The following DLG2 variants were observed in gnomAD, a reference collection of about 807,000 sequenced individuals.
DLG2 encodes the protein discs large MAGUK scaffold protein 2.
A neutral mutation model predicts 132.5 loss-of-function variants in DLG2; 45 were observed. The observed-to-expected ratio is 0.34, with a 90% CI of 0.27 to 0.44. The LOEUF is 0.44. DLG2 is among the 20% of genes least tolerant of loss of function. The probability of loss-of-function intolerance (pLI) is 1.00; values close to 1 mark genes in which losing one functional copy is unlikely to be tolerated. For missense variants in DLG2, 1,045 were observed against 1,196.9 expected (o/e 0.87, Z 1.87); for synonymous variants, 424 against 419.6 (o/e 1.01, Z -0.13).
At chr11:84,257,577 G>A (rs917870678) in intron 7 of DLG2, among the ~76,000 whole-genome samples, 1 of 151,912 alleles carries the variant, frequency 6.6e-6, no homozygotes, top group African/African-American at 2.4e-5. Context: ...AAGTCACACA[G>A]CTGGTAAATA....
chr11:85,347,565 C>G lies in DLG2; in HGVS notation c.41-62200G>C, dbSNP rs79747489. ...TGTCACATTTCCCCTCTCCTCTGTCCCCTATATAAAAGGGTATATAAGCTT... is the reference window on the plus strand; with the variant it reads ...TGTCACATTTCCCCTCTCCTCTGTCGCCTATATAAAAGGGTATATAAGCTT... On this transcript the variant is annotated intron_variant, in intron 3 of 27. Transcript: ENST00000376104. Among the ~76,000 whole-genome samples the G allele has an allele frequency of 9.2e-3, 1,402 of 152,056 alleles. 23 individuals carry two copies. The highest frequency in any genetic ancestry group is 0.032 in the African/African-American group (1,315 of 41,418).
intron 23 of DLG2, among the ~76,000 whole-genome samples, chr11:83,472,525 C>T (rs2092173541): frequency 6.6e-6 from 1 of 152,112 alleles, no homozygotes; most frequent in African/African-American, 2.4e-5. Context: ...TATTAGTGCC[C>T]ATACTCAGCA....
intron 2 of DLG2, among the ~76,000 whole-genome samples, chr11:85,609,850 G>C (rs1319577101): frequency 6.6e-6 from 1 of 152,134 alleles, no homozygotes; most frequent in African/African-American, 2.4e-5. Flanking sequence ...TACCATCCGG[G>C]GAATCCTGGG....
intron 6 of DLG2, among the ~76,000 whole-genome samples, chr11:84,553,048 C>A (rs1364461660): frequency 6.6e-6 from 1 of 152,054 alleles, no homozygotes; most frequent in Non-Finnish European, 1.5e-5. Flanking sequence ...CTTTTCTCAC[C>A]TTCCTGTCTC....
intron 18 of DLG2, among the ~76,000 whole-genome samples, chr11:83,713,125 C>T (rs1282071722): frequency 6.6e-6 from 1 of 152,114 alleles, no homozygotes; most frequent in Non-Finnish European, 1.5e-5. Flanking sequence ...ATGTTTTCCT[C>T]CTTTAATCTT....
At chr11:84,992,386 T>C (rs2057214904) in intron 6 of DLG2, among the ~76,000 whole-genome samples, 1 of 152,186 alleles carries the variant, frequency 6.6e-6, no homozygotes, top group African/African-American at 2.4e-5. Context: ...CTGTAACTGT[T>C]TAAAAAATAT....
chr11:85,543,687 C>T (rs1024983632), intron 3 of DLG2, among the ~76,000 whole-genome samples: 1 of 152,056 alleles, frequency 6.6e-6, no homozygotes, highest in African/African-American at 2.4e-5. Context: ...TTCTAACTGT[C>T]GTGAGATGGT....
intron 18 of DLG2, among the ~76,000 whole-genome samples, chr11:83,771,130 G>A (rs372777659): frequency 6.6e-6 from 1 of 152,120 alleles, no homozygotes; most frequent in Admixed American, 6.5e-5. Flanking sequence ...TAATGATAGT[G>A]TAGACACACT....
intron 16 of DLG2, among the ~76,000 whole-genome samples, chr11:83,852,802 C>T (rs960609797): frequency 3.3e-5 from 5 of 152,162 alleles, no homozygotes; most frequent in Non-Finnish European, 7.3e-5. Context: ...TTTCTAATTC[C>T]TTCTTTTCTT....
At chr11:85,565,505 C>T (rs2077481987) in intron 3 of DLG2, among the ~76,000 whole-genome samples, 1 of 152,164 alleles carries the variant, frequency 6.6e-6, no homozygotes, top group Non-Finnish European at 1.5e-5. Flanking sequence ...TAAGCTGTCA[C>T]TCCCCATTCC....
At chr11:83,906,794 A>C (rs2075073127) in intron 15 of DLG2, among the ~76,000 whole-genome samples, 1 of 152,160 alleles carries the variant, frequency 6.6e-6, no homozygotes, top group Admixed American at 6.5e-5. Context: ...CAACCTAACA[A>C]AAAAAGCCTA....
At chr11:85,215,195 A>C (rs2152573230) in intron 4 of DLG2, among the ~76,000 whole-genome samples, 1 of 152,304 alleles carries the variant, frequency 6.6e-6, no homozygotes, top group East Asian at 1.9e-4. Flanking sequence ...TCAGAATGAG[A>C]GGAGGTGTTT....
At chr11:84,225,819 T>C (rs545226835) in intron 8 of DLG2, among the ~76,000 whole-genome samples, 4 of 142,482 alleles carry the variant, frequency 2.8e-5, no homozygotes, top group Non-Finnish European at 6.4e-5. Context: ...TTTTTTCCCC[T>C]GGGATGGAGT....
chr11:84,221,686 T>C (rs1198899839), intron 8 of DLG2, among the ~76,000 whole-genome samples: 1 of 152,074 alleles, frequency 6.6e-6, no homozygotes, highest in Non-Finnish European at 1.5e-5. Context: ...TTAAAGAAAA[T>C]ATCAGCTAAT....
chr11:84,894,425 A>C (rs1285145795), intron 6 of DLG2, among the ~76,000 whole-genome samples: 1 of 152,122 alleles, frequency 6.6e-6, no homozygotes, highest in Non-Finnish European at 1.5e-5. Context: ...ATTCTTGTAC[A>C]ATTCCATGTT....
chr11:84,578,557 CTTT>C (rs2099508876), intron 6 of DLG2, among the ~76,000 whole-genome samples: 1 of 152,138 alleles, frequency 6.6e-6, no homozygotes, highest in Non-Finnish European at 1.5e-5. Flanking sequence ...CCTGTAACCC[CTTT>C]GTTTTGGCCA....
chr11:84,402,754 C>T (rs1204172200), intron 7 of DLG2, among the ~76,000 whole-genome samples: 1 of 151,674 alleles, frequency 6.6e-6, no homozygotes, highest in African/African-American at 2.4e-5. Flanking sequence ...AGGTGGCGGG[C>T]GCCTGTAGTC....
intron 6 of DLG2, among the ~76,000 whole-genome samples, chr11:84,656,454 T>C (rs1444914273): frequency 6.6e-6 from 1 of 152,134 alleles, no homozygotes; most frequent in East Asian, 1.9e-4. Flanking sequence ...AACTTTATCA[T>C]ACGAAGAGTA....
chr11:84,550,990 C>T (rs2099400704), intron 6 of DLG2, among the ~76,000 whole-genome samples: 1 of 152,110 alleles, frequency 6.6e-6, no homozygotes, highest in Non-Finnish European at 1.5e-5. Context: ...GGTAGGCAAC[C>T]ACTGTGAATT....
Sources: allele counts gnomAD v4.1 joint callset (sites outside exome capture counted in the v4.1 genomes callset), GRCh38; gene constraint gnomAD v4.1.1; transcripts MANE v1.5; gene names NCBI Gene and HGNC (gene_info 2026-07-23, HGNC 2026-07-21).